The following TENM3 variants were observed in gnomAD, a reference collection of about 807,000 sequenced individuals.
The protein encoded by TENM3 is teneurin transmembrane protein 3.
A neutral mutation model predicts 255.1 loss-of-function variants in TENM3; 63 were observed. The ratio of observed to expected loss-of-function variants is 0.25; its 90% CI spans 0.20 to 0.30. The LOEUF (loss-of-function observed/expected upper bound fraction) is 0.30, where lower values mean the gene tolerates loss of function less well. Among genes scored for constraint, TENM3 ranks in the 10% least tolerant of loss-of-function variants. The pLI is 1.00. For missense variants in TENM3, 2,929 were observed against 3,461.1 expected (o/e 0.85, Z 3.86); for synonymous variants, 1,306 against 1,322.3 (o/e 0.99, Z 0.27).
chr4:181,478,765 G>A, the TENM3 span, among the ~76,000 whole-genome samples: 1 of 152,090 alleles, frequency 6.6e-6, no homozygotes, highest in South Asian at 2.1e-4. Flanking sequence ...AAGCCATTCT[G>A]TTCCTTGCCA....
chr4:181,664,636 A>G, the TENM3 span, among the ~76,000 whole-genome samples: 2 of 152,098 alleles, frequency 1.3e-5, no homozygotes, highest in African/African-American at 4.8e-5. Context: ...TCACTGCTCA[A>G]CTTTCACTCC....
At chr4:181,731,141 C>CA in the TENM3 span, among the ~76,000 whole-genome samples, 32 of 151,774 alleles carry the variant, frequency 2.1e-4, no homozygotes, top group African/African-American at 7.0e-4. Context: ...GTAATAGGGG[C>CA]AAAAAAGAAT....
the TENM3 span, among the ~76,000 whole-genome samples, chr4:181,934,082 G>GCA: frequency 1.6e-3 from 236 of 151,542 alleles, no homozygotes; most frequent in Non-Finnish European, 2.7e-3. Context: ...GTGTGCGCGC[G>GCA]CTTTTAAATC....
At chr4:181,759,337 C>T in the TENM3 span, among the ~76,000 whole-genome samples, 134,283 of 152,090 alleles carry the variant, frequency 0.88, 59,490 homozygotes, top group East Asian at 0.94. Context: ...AGATGAGAGA[C>T]AAAACCCATC....
At chr4:182,523,698 T>A (rs929973148) in intron 3 of TENM3, among the ~76,000 whole-genome samples, 2 of 152,176 alleles carry the variant, frequency 1.3e-5, no homozygotes, top group African/African-American at 4.8e-5. Context: ...CAGTATAGGT[T>A]CTGATGTCTT....
At chr4:181,851,632 A>G in the TENM3 span, among the ~76,000 whole-genome samples, 9 of 152,038 alleles carry the variant, frequency 5.9e-5, no homozygotes, top group Admixed American at 6.6e-5. Context: ...ACACGCATGC[A>G]CACATGCACA....
chr4:182,054,685 T>C, the TENM3 span, among the ~76,000 whole-genome samples: 2 of 152,192 alleles, frequency 1.3e-5, no homozygotes, highest in Non-Finnish European at 2.9e-5. Flanking sequence ...GATAAGTGCT[T>C]GAGTGGATGG....
the TENM3 span, among the ~76,000 whole-genome samples, chr4:181,651,015 C>G: frequency 2.6e-5 from 4 of 152,326 alleles, no homozygotes; most frequent in South Asian, 8.3e-4. Context: ...TAGGTGATTT[C>G]TCCGGCCTTC....
At chr4:181,453,683 G>A in the TENM3 span, among the ~76,000 whole-genome samples, 1 of 152,150 alleles carries the variant, frequency 6.6e-6, no homozygotes, top group African/African-American at 2.4e-5. Context: ...ATGCAAAGCA[G>A]GGATGTTCAT....
At chr4:182,409,382 G>C (rs755662810) in intron 3 of TENM3, among the ~76,000 whole-genome samples, 2 of 152,266 alleles carry the variant, frequency 1.3e-5, no homozygotes, top group Admixed American at 6.5e-5. Flanking sequence ...GACTTACAAG[G>C]AGCATATTTC....
chr4:182,183,722 G>A (rs914807102), intron 1 of TENM3, among the ~76,000 whole-genome samples: 6 of 152,042 alleles, frequency 3.9e-5, no homozygotes, highest in Non-Finnish European at 8.8e-5. Flanking sequence ...CTAAGATTGT[G>A]GAAGTTATTT....
At chr4:181,506,107 A>C in the TENM3 span, among the ~76,000 whole-genome samples, 2 of 152,186 alleles carry the variant, frequency 1.3e-5, no homozygotes, top group Admixed American at 1.3e-4. Flanking sequence ...AGGATCTTAA[A>C]GTACAGGATA....
At chr4:181,484,868 T>A in the TENM3 span, among the ~76,000 whole-genome samples, 6 of 152,190 alleles carry the variant, frequency 3.9e-5, no homozygotes, top group Non-Finnish European at 4.4e-5. Flanking sequence ...CTGGAAATGA[T>A]TACCTACCTC....
At chr4:182,024,448 G>T in the TENM3 span, among the ~76,000 whole-genome samples, 1 of 151,896 alleles carries the variant, frequency 6.6e-6, no homozygotes, top group African/African-American at 2.4e-5. Context: ...TATGTATGCA[G>T]TATTTATTTA....
chr4:181,581,940 C>T, the TENM3 span, among the ~76,000 whole-genome samples: 955 of 152,124 alleles, frequency 6.3e-3, 9 homozygotes, highest in Middle Eastern at 0.01. Context: ...GCCATGTTAC[C>T]CAGGCTGGTC....
At chr4:182,683,239 A>G (rs1756311254) in intron 11 of TENM3, among the ~76,000 whole-genome samples, 1 of 152,166 alleles carries the variant, frequency 6.6e-6, no homozygotes, top group South Asian at 2.1e-4. Flanking sequence ...TGCTGTGGGA[A>G]TTACTTGGAA....
In TENM3 at chr4:182,802,614, G is replaced by A. The variant is rs1767052337; in HGVS notation, c.*2263G>A. 6.6e-6 allele frequency: 1 copy of A among 152,574 alleles called. No individual in the cohort carries two copies. The highest frequency in any genetic ancestry group is 2.1e-4 in the South Asian group (1 of 4,826). 9.5% of individuals were successfully genotyped at this position (152,574 alleles called of 1,614,324 possible). A position where few individuals can be genotyped will look rare whatever the true frequency, so the allele number is the denominator to read the frequency against. On this transcript the variant is annotated 3_prime_UTR_variant, in exon 28 of 28. Coordinates refer to ENST00000511685, the MANE Select transcript of TENM3 (RefSeq NM_001080477.4). ...CGGGCACCGATAAATAACAGATTTGGAGTATCTCCTGGTGCTTATTTTAGA... is the reference window on the plus strand; with the variant it reads ...CGGGCACCGATAAATAACAGATTTGAAGTATCTCCTGGTGCTTATTTTAGA...
At chr4:182,545,953 C>T (rs972487896) in intron 3 of TENM3, among the ~76,000 whole-genome samples, 6 of 152,188 alleles carry the variant, frequency 3.9e-5, no homozygotes, top group African/African-American at 1.4e-4. Flanking sequence ...GACCAGAAGC[C>T]TTACCGATCA....
chr4:181,544,754 TAC>T, the TENM3 span, among the ~76,000 whole-genome samples: 1 of 152,200 alleles, frequency 6.6e-6, no homozygotes, highest in East Asian at 1.9e-4. Context: ...TTGACTATAC[TAC>T]AGTGTTCATA....
Sources: gnomAD v4.1 joint callset for allele counts (sites outside exome capture counted in the v4.1 genomes callset) on GRCh38, gnomAD v4.1.1 for gene constraint, MANE v1.5 for transcripts, NCBI Gene and HGNC (gene_info 2026-07-23, HGNC 2026-07-21) for gene names.